The following PLEC variants were observed in gnomAD, a reference collection of about 807,000 sequenced individuals.
PLEC encodes the protein plectin, also known as hemidesmosomal protein 1.
PLEC carries 216 observed loss-of-function variants against 392.8 expected under a neutral mutation model. The observed-to-expected ratio is 0.55, with a 90% CI of 0.49 to 0.62. The LOEUF is 0.62. PLEC is among the 20% of genes least tolerant of loss of function. The pLI, the probability that PLEC is intolerant of heterozygous loss-of-function variation, is 0.00. For synonymous variants in PLEC, 3,621 were observed against 2,980.6 expected, an observed-to-expected ratio of 1.21 and a Z score of -7.00; for missense variants, 6,863 against 6,563.4, an observed-to-expected ratio of 1.05 and a Z score of -1.58.
chr8:143,935,685 A>G (rs1828857241), intron 6 of PLEC, among the ~76,000 whole-genome samples, 163 bp downstream of exon 6: 1 of 152,134 alleles, frequency 6.6e-6, no homozygotes, highest in Non-Finnish European at 1.5e-5. Flanking sequence ...GAAGGACACC[A>G]GGGTGGGGCT....
In PLEC at chr8:143,917,854, C is replaced by T. The variant is rs1246828345; in HGVS notation, c.11967G>A (p.Glu3989=). ...GGCCCACAATGCCCATACGCACAGC[C>T]TCCTCCACCGTCAGCTTCAGTCCCT... ...PIKGLKLTVE[E]AVRMGIVGPE... The change falls in exon 32 of 32, where the codon GAG becomes GAA. Residue 3989 remains glutamate, a synonymous_variant. Transcript: ENST00000345136. 3.1e-6 allele frequency: 5 copies of T among 1,613,208 alleles called. No individual in the cohort carries two copies. In the African/African-American group the frequency reaches 5.3e-5, roughly 17 times the overall value.
chr8:143,916,674 C>A lies in PLEC; in HGVS notation c.13147G>T (p.Ala4383Ser), dbSNP rs1554669881. Reference protein sequence around the residue: ...ALKKGWLYYEAGQRFLEVQYL... With the variant: ...ALKKGWLYYESGQRFLEVQYL... ...TGCACCTCCAGGAAGCGCTGGCCGGCCTCGTAGTAGAGCCAGCCCTTCTTC... is the reference window on the plus strand; with the variant it reads ...TGCACCTCCAGGAAGCGCTGGCCGGACTCGTAGTAGAGCCAGCCCTTCTTC... The change falls in exon 32 of 32, where the codon GCC (alanine) becomes TCC (serine). Residue 4383 changes from alanine (A) to serine (S), a missense_variant. Ala to Ser is a moderately conservative substitution (Grantham distance 99). Transcript: ENST00000345136. 1.9e-6 allele frequency: 3 copies of A among 1,611,672 alleles called. No homozygotes were observed. Among genetic ancestry groups the A allele is most frequent in the African/African-American group, 1.3e-5 (1 of 75,046 alleles).
rs2131899075 is a variant in PLEC, at chr8:143,932,411, C to T, written c.1966G>A (p.Glu656Lys). 1 of 1,612,948 alleles carries T rather than the reference C, an allele frequency of 6.2e-7. No individual in the cohort carries two copies. The highest frequency in any genetic ancestry group is 8.5e-7 in the Non-Finnish European group (1 of 1,179,966). Residue 656 changes from glutamate to lysine, a missense_variant, in exon 16 of 32, where the codon GAG (glutamate) becomes AAG (lysine). Physicochemically the swap from Glu to Lys is moderately conservative, Grantham distance 56 (BLOSUM62 1). Transcript: ENST00000345136. ...GGGCCACCGCTCACCGAGTAGCTCT[C>T]CTTCTTGGCGGTCATGTTGGTGTTG... is the stretch of plus-strand genomic sequence containing the variant. The part of the protein sequence containing the change: ...DRNTNMTAKK[E>K]SYSALMRELE...
At chr8:143,945,640 A>G (rs1436959827) in intron 1 of PLEC, among the ~76,000 whole-genome samples, 1 of 152,222 alleles carries the variant, frequency 6.6e-6, no homozygotes, top group Non-Finnish European at 1.5e-5. Context: ...CATACAGACC[A>G]GGAGCCTGAG....
rs1586833352 is a variant in PLEC at position 143,921,099 on chromosome 8, C to T, written c.8722G>A (p.Ala2908Thr). Reference protein sequence around the residue: ...DSEARDVFEKATVSAPFGKFQ... With the variant: ...DSEARDVFEKTTVSAPFGKFQ... ...TTGCCGAACGGCGCAGACACGGTGGCCTTCTCAAAGACGTCCCGGGCCTCG... is the reference window on the plus strand; with the variant it reads ...TTGCCGAACGGCGCAGACACGGTGGTCTTCTCAAAGACGTCCCGGGCCTCG... Residue 2908 changes from alanine to threonine, a missense_variant, in exon 32 of 32, where the codon GCC (alanine) becomes ACC (threonine). Transcript: ENST00000345136. The T allele has an allele frequency of 1.2e-6, 2 of 1,612,176 alleles. No individual in the cohort carries two copies. The highest frequency in any genetic ancestry group is 1.7e-6 in the Non-Finnish European group (2 of 1,180,034).
At position 143,925,281 on chromosome 8, in the gene PLEC, G is replaced by T; in HGVS notation, c.4648C>A (p.Arg1550=). The change falls in exon 31 of 32, where the codon CGG becomes AGG. Residue 1550 remains arginine (R), a synonymous_variant. Coordinates refer to ENST00000345136, the MANE Select transcript of PLEC (RefSeq NM_201384.3). ...ELRLQAEEAE[R]RLRQAEVERA... is the part of the protein sequence containing the mutation. Reference sequence around the variant, plus strand: ...TCCACCTCGGCCTGCCGCAGGCGCCGCTCCGCCTCCTCCGCCTGCAGCCGC... The same window carrying T: ...TCCACCTCGGCCTGCCGCAGGCGCCTCTCCGCCTCCTCCGCCTGCAGCCGC... The T allele has an allele frequency of 6.3e-7, 1 of 1,580,186 alleles. No homozygotes were observed. The highest frequency in any genetic ancestry group is 8.5e-7 in the Non-Finnish European group (1 of 1,171,792).
At position 143,922,813 on chromosome 8, in the gene PLEC, C is replaced by A. The variant is rs782103256; in HGVS notation, c.7116G>T (p.Arg2372=). The stretch of plus-strand genomic sequence containing the variant: ...CAGCGCTCATCTCCAGCTGCCGCTG[C>A]CGCTCGGCCTCCAGCGTCCGCTGGA... ...QGFQRTLEAE[R]QRQLEMSAEA... Residue 2372 remains arginine (R), a synonymous_variant, in exon 31 of 32, where the codon CGG becomes CGT. Coordinates refer to ENST00000345136, the MANE Select transcript of PLEC (RefSeq NM_201384.3). The A allele has an allele frequency of 1.3e-6, 2 of 1,587,090 alleles. No homozygotes were observed. Among genetic ancestry groups the A allele is most frequent in the Non-Finnish European group, 1.7e-6 (2 of 1,169,608 alleles).
At position 143,925,882 on chromosome 8, in the gene PLEC, C is replaced by G. The variant is rs782403346; in HGVS notation, c.4047G>C (p.Arg1349Ser). 1.9e-6 allele frequency: 3 copies of G among 1,543,624 alleles called. No individual in the cohort carries two copies. In the South Asian group the frequency reaches 3.5e-5, roughly 18 times the overall value. ...CCTCTGCCCGCTGCTGCTCAGCCAG[C>G]CTCTGTGGCCACAGCAGAGAGAAGA... is the stretch of plus-strand genomic sequence containing the variant. The part of the protein sequence containing the change: ...ETLRRMEEEE[R>S]LAEQQRAEER... The change falls in exon 31 of 32, where the codon AGG (arginine) becomes AGC (serine). Residue 1349 changes from arginine to serine, a missense_variant and splice_region_variant. Arg to Ser is a moderately radical substitution (Grantham distance 110, BLOSUM62 -1). Transcript: ENST00000345136.
chr8:143,958,336 C>T (rs1832704825), upstream of PLEC, among the ~76,000 whole-genome samples: 1 of 152,180 alleles, frequency 6.6e-6, no homozygotes, highest in Non-Finnish European at 1.5e-5. This position sits in a 1 kb window ranked among gnomAD's most constrained non-coding sequence, Gnocchi z 4.9. Flanking sequence ...CCAGGAGGCA[C>T]AGAGGTCATC....
rs1554682467 is a variant in PLEC at position 143,920,633 on chromosome 8, C to T, written c.9188G>A (p.Gly3063Asp). ...MAVALLEAQA[G>D]TGHIIDPATS... ...GGCGGGGTCGATGATGTGCCCGGTG[C>T]CGGCCTGGGCTTCCAACAGGGCCAC... The change falls in exon 32 of 32, where the codon GGC becomes GAC. Residue 3063 changes from glycine (G) to aspartate (D), a missense_variant. Physicochemically the swap from Gly to Asp is moderately conservative, Grantham distance 94 (BLOSUM62 -1). Transcript: ENST00000345136. The T allele has an allele frequency of 1.2e-6, 2 of 1,606,092 alleles. No individual in the cohort carries two copies. The highest frequency in any genetic ancestry group is 8.5e-7 in the Non-Finnish European group (1 of 1,179,876).
intron 3 of PLEC, chr8:143,937,602 C>T (rs1158987863): frequency 8.0e-6 from 4 of 502,438 alleles, no homozygotes; most frequent in East Asian, 4.7e-5. Flanking sequence ...CTGGGCAGCA[C>T]GGTGGACGGG....
intron 1 of PLEC, chr8:143,950,073 C>G: frequency 7.3e-7 from 1 of 1,373,618 alleles, no homozygotes; most frequent in South Asian, 1.5e-5. Flanking sequence ...GAGCGACGCT[C>G]CGCAAGCCGG....
intron 1 of PLEC, among the ~76,000 whole-genome samples, chr8:143,959,493 G>A (rs570464365): frequency 2.6e-5 from 4 of 152,340 alleles, no homozygotes; most frequent in Admixed American, 6.5e-5. Flanking sequence ...CAGATGCCGC[G>A]CTAACCTGAC....
In PLEC at chr8:143,932,716, C is replaced by T. The variant is rs1827750335; in HGVS notation, c.1738-4G>A. 1 of 1,607,054 alleles carries T rather than the reference C, an allele frequency of 6.2e-7. No individual in the cohort carries two copies. The highest frequency in any genetic ancestry group is 8.5e-7 in the Non-Finnish European group (1 of 1,177,416). Reference sequence around the variant, plus strand: ...GGGTGGCGGGGGAGAGCTGGCCCTGCAACAGATGAGACGGTGAGGTCTGCA... The same window carrying T: ...GGGTGGCGGGGGAGAGCTGGCCCTGTAACAGATGAGACGGTGAGGTCTGCA... On this transcript the variant is annotated splice_region_variant and splice_polypyrimidine_tract_variant and intron_variant, in intron 14 of 31. Transcript: ENST00000345136.
chr8:143,921,205 C>T lies in PLEC; in HGVS notation c.8616G>A (p.Val2872=), dbSNP rs782143114. 6 of 1,613,936 alleles carry T rather than the reference C, an allele frequency of 3.7e-6. No individual in the cohort carries two copies. The highest frequency in any genetic ancestry group is 5.1e-6 in the Non-Finnish European group (6 of 1,180,060). ...GGCACAGGCCCGTCTCGGGGTCCTC[C>T]ACGCAGCGCTCCAGTAGCTGCAGGT... ...LTYLQLLERC[V]EDPETGLCLL... Residue 2872 remains valine, a synonymous_variant, in exon 32 of 32, where the codon GTG becomes GTA. Coordinates refer to ENST00000345136, the MANE Select transcript of PLEC (RefSeq NM_201384.3).
chr8:143,975,609 C>T (rs1457011358), upstream of PLEC, among the ~76,000 whole-genome samples: 1 of 151,644 alleles, frequency 6.6e-6, no homozygotes. The surrounding 1 kb of genome is among the most constrained non-coding windows in gnomAD (Gnocchi z 9.9). Flanking sequence ...TGCCCCCTCC[C>T]GCGCACTCCT....
At chr8:143,944,588 G>C (rs782377568), upstream of PLEC, 105 of 1,080,994 alleles carry the variant, frequency 9.7e-5, no homozygotes, top group Middle Eastern at 2.4e-3. Context: ...CCAGCCCTCT[G>C]GCCCCTGTCC....
rs781960094 is a variant in PLEC, at chr8:143,927,950, G to A, written c.3303C>T (p.Ala1101=). ...CCTCGTGGGCCCTGAGCACCTCCTC[G>A]GCCCCCTGCGTGCCGCGGATCACCA... The part of the protein sequence containing the change: ...ISLVIRGTQG[A]EEVLRAHEEQ... The change falls in exon 26 of 32, where the codon GCC becomes GCT. Residue 1101 remains alanine, a synonymous_variant. Transcript: ENST00000345136. The A allele has an allele frequency of 2.4e-5, 38 of 1,601,928 alleles. 1 individual carries two copies. Among genetic ancestry groups the A allele is most frequent in the Admixed American group, 1.9e-4 (11 of 59,236 alleles).
rs781892954 is a variant in PLEC, at chr8:143,916,325, G to A, written c.13496C>T (p.Ala4499Val). 24 of 1,588,728 alleles carry A rather than the reference G, an allele frequency of 1.5e-5. No individual in the cohort carries two copies. In the African/African-American group the frequency reaches 2.4e-4, roughly 16 times the overall value. ...SRTGSRTGSR[A>V]GSRRGSFDAT... ...GTCAAAGCTGCCGCGGCGGGAGCCGGCCCGGGAGCCGGTGCGCGAGCCGGT... is the reference window on the plus strand; with the variant it reads ...GTCAAAGCTGCCGCGGCGGGAGCCGACCCGGGAGCCGGTGCGCGAGCCGGT... Residue 4499 changes from alanine to valine, a missense_variant, in exon 32 of 32, where the codon GCC becomes GTC. Coordinates refer to ENST00000345136, the MANE Select transcript of PLEC (RefSeq NM_201384.3).
Sources: allele counts gnomAD v4.1 joint callset (sites outside exome capture counted in the v4.1 genomes callset), GRCh38; gene constraint gnomAD v4.1.1; non-coding constraint Gnocchi (gnomAD v3.1); transcripts MANE v1.5; gene names NCBI Gene and HGNC (gene_info 2026-07-23, HGNC 2026-07-21).